Variants in RGS6 observed in about 807,000 individuals in gnomAD.
The protein encoded by RGS6 is regulator of G-protein signaling 6.
Under a neutral mutation model 78.5 loss-of-function variants are expected in RGS6, and 30 were observed. The observed-to-expected ratio is 0.38, with a 90% CI of 0.29 to 0.52. The LOEUF (loss-of-function observed/expected upper bound fraction) is 0.52. Ranked by LOEUF, RGS6 falls within the 20% of genes least tolerant of loss-of-function variation. The pLI, the probability that RGS6 is intolerant of heterozygous loss-of-function variation, is 0.85. For synonymous variants in RGS6, 206 were observed against 206.0 expected, an observed-to-expected ratio of 1.00 and a Z score of 0.00; for missense variants, 495 against 609.7, an observed-to-expected ratio of 0.81 and a Z score of 1.98.
the RGS6 span, among the ~76,000 whole-genome samples, chr14:72,599,393 C>CTTTTTTTT: frequency 2.6e-5 from 2 of 78,224 alleles, no homozygotes; most frequent in African/African-American, 5.6e-5. Context: ...CTTTTCTTTC[C>CTTTTTTTT]TTTTTTTTTT....
intron 3 of RGS6, among the ~76,000 whole-genome samples, chr14:72,432,501 A>G (rs10138754): frequency 0.018 from 2,808 of 152,326 alleles, 82 homozygotes; most frequent in African/African-American, 0.065. Context: ...AAGAGGAAGG[A>G]TCATGGAAGA....
chr14:71,951,082 A>G (rs1445597418), intron 1 of RGS6, among the ~76,000 whole-genome samples: 1 of 152,178 alleles, frequency 6.6e-6, no homozygotes, highest in Non-Finnish European at 1.5e-5. Flanking sequence ...AATATAAATC[A>G]TTCTGTGATA....
At chr14:72,067,744 T>C (rs552687407) in intron 2 of RGS6, among the ~76,000 whole-genome samples, 8 of 152,224 alleles carry the variant, frequency 5.3e-5, no homozygotes, top group Non-Finnish European at 8.8e-5. Context: ...TACAGCTAGC[T>C]TGTAGGTCTG....
intron 2 of RGS6, among the ~76,000 whole-genome samples, chr14:72,065,415 T>G (rs929468740): frequency 3.3e-5 from 5 of 152,184 alleles, no homozygotes; most frequent in African/African-American, 9.7e-5. Flanking sequence ...CTACATTGAT[T>G]TATGTTTTGG....
At chr14:72,085,715 G>A (rs1456648498) in intron 2 of RGS6, among the ~76,000 whole-genome samples, 4 of 152,024 alleles carry the variant, frequency 2.6e-5, no homozygotes, top group Non-Finnish European at 5.9e-5. Flanking sequence ...TTAGCTGGGT[G>A]TGGTGGTGCA....
chr14:72,554,353 T>TAAC (rs1421242656), intron 17 of RGS6, among the ~76,000 whole-genome samples: 3 of 152,210 alleles, frequency 2.0e-5, no homozygotes, highest in Non-Finnish European at 4.4e-5. Flanking sequence ...GCCAACCAAA[T>TAAC]AACTTTCTCT....
At chr14:72,271,619 G>T (rs1196563997) in intron 2 of RGS6, among the ~76,000 whole-genome samples, 2 of 152,202 alleles carry the variant, frequency 1.3e-5, no homozygotes, top group African/African-American at 4.8e-5. Flanking sequence ...ACCTGCGATG[G>T]ATTTGTGAGC....
intron 12 of RGS6, 80 bp from the exon 13 acceptor site, chr14:72,495,072 C>T (rs922278878): frequency 3.5e-6 from 3 of 847,688 alleles, no homozygotes; most frequent in Non-Finnish European, 6.2e-6. Flanking sequence ...GTGAAGACTG[C>T]TATAATGTTT....
chr14:72,046,144 C>T (rs2153395275), intron 2 of RGS6, among the ~76,000 whole-genome samples: 1 of 151,994 alleles, frequency 6.6e-6, no homozygotes, highest in South Asian at 2.1e-4. Flanking sequence ...GCGTCTCCCC[C>T]ATTGCCAAAT....
At chr14:72,077,412 G>C (rs7149654) in intron 2 of RGS6, among the ~76,000 whole-genome samples, 106,824 of 151,770 alleles carry the variant, frequency 0.7, 37,664 homozygotes, top group East Asian at 0.81. Flanking sequence ...GTTTTTTTTC[G>C]TTCCTTCATA....
At position 72,155,444 on chromosome 14, in the gene RGS6, C is replaced by T. The variant is rs1261160413; in HGVS notation, c.84+190569C>T. Among the ~76,000 whole-genome samples the T allele has an allele frequency of 2.0e-5, 3 of 152,182 alleles. No homozygotes were observed. In the East Asian group the frequency reaches 5.8e-4, roughly 29 times the overall value. Reference sequence around the variant, plus strand: ...ATTCAACCTCCCACCCAGGATATGACTTCCAGAACTAACCACCCACAATGC... The same window carrying T: ...ATTCAACCTCCCACCCAGGATATGATTTCCAGAACTAACCACCCACAATGC... On this transcript the variant is annotated intron_variant, in intron 2 of 17. Coordinates refer to ENST00000553525, the MANE Select transcript of RGS6 (RefSeq NM_001204424.2).
chr14:72,324,358 A>T (rs2073083009), intron 2 of RGS6, among the ~76,000 whole-genome samples: 1 of 152,114 alleles, frequency 6.6e-6, no homozygotes, highest in Non-Finnish European at 1.5e-5. Flanking sequence ...TTTACAAAGG[A>T]CTATTCTTTT....
At chr14:72,540,210 C>T in intron 17 of RGS6, 116 bp downstream of exon 17, 7 of 1,490,640 alleles carry the variant, frequency 4.7e-6, no homozygotes, top group Non-Finnish European at 6.3e-6. Flanking sequence ...GGAGGGAGTC[C>T]AGTGCTTTCT....
chr14:72,111,421 T>C (rs2095759370), intron 2 of RGS6, among the ~76,000 whole-genome samples: 1 of 152,192 alleles, frequency 6.6e-6, no homozygotes, highest in Non-Finnish European at 1.5e-5. Flanking sequence ...ATTAACCTAG[T>C]GCACTTCTCA....
chr14:71,888,776 A>C, the RGS6 span, among the ~76,000 whole-genome samples: 6 of 152,206 alleles, frequency 3.9e-5, no homozygotes, highest in Non-Finnish European at 8.8e-5. Flanking sequence ...CATTGGTCTA[A>C]AGAGTCAGCT....
At chr14:72,291,830 A>G (rs568248720) in intron 2 of RGS6, among the ~76,000 whole-genome samples, 2 of 152,322 alleles carry the variant, frequency 1.3e-5, no homozygotes, top group East Asian at 1.9e-4. Flanking sequence ...TGTACTGGGC[A>G]AAGTACTGAG....
At chr14:72,004,036 C>T (rs1160739169) in intron 2 of RGS6, among the ~76,000 whole-genome samples, 1 of 152,180 alleles carries the variant, frequency 6.6e-6, no homozygotes, top group Non-Finnish European at 1.5e-5. Context: ...CTCAAAAATA[C>T]TACGCCTGAT....
intron 13 of RGS6, among the ~76,000 whole-genome samples, chr14:72,507,642 C>T (rs2096824776): frequency 6.6e-6 from 1 of 152,186 alleles, no homozygotes; most frequent in African/African-American, 2.4e-5. Context: ...CTTGCCACCA[C>T]CAAGGAATCT....
chr14:72,412,257 T>A (rs572789551), intron 3 of RGS6, among the ~76,000 whole-genome samples: 1 of 152,320 alleles, frequency 6.6e-6, no homozygotes, highest in Admixed American at 6.5e-5. Context: ...CTGTTATTGG[T>A]CTATTCAGAG....
Sources: allele counts gnomAD v4.1 joint callset (sites outside exome capture counted in the v4.1 genomes callset), GRCh38; gene constraint gnomAD v4.1.1; transcripts MANE v1.5; gene names NCBI Gene and HGNC (gene_info 2026-07-23, HGNC 2026-07-21).